The following SDK1 variants were observed in gnomAD, a reference collection of about 807,000 sequenced individuals.
The protein encoded by SDK1 is sidekick cell adhesion molecule 1, also known as protein sidekick-1.
A neutral mutation model predicts 245.5 loss-of-function variants in SDK1; 157 were observed. The ratio of observed to expected loss-of-function variants is 0.64; its 90% CI spans 0.56 to 0.73. SDK1 has a LOEUF of 0.73. Ranked by LOEUF, SDK1 falls within the 30% of genes least tolerant of loss-of-function variation. SDK1 has a pLI of 0.00. For synonymous variants in SDK1, 1,647 were observed against 1,278.5 expected, an observed-to-expected ratio of 1.29 and a Z score of -6.15; for missense variants, 3,583 against 3,002.3, an observed-to-expected ratio of 1.19 and a Z score of -4.52.
At chr7:3,664,654 C>T (rs573075581) in intron 4 of SDK1, among the ~76,000 whole-genome samples, 5 of 151,472 alleles carry the variant, frequency 3.3e-5, no homozygotes, top group South Asian at 4.2e-4. Context: ...GCACAAGAAT[C>T]GCTTGAACCC....
At chr7:3,899,497 T>C (rs556816910) in intron 5 of SDK1, among the ~76,000 whole-genome samples, 1 of 152,344 alleles carries the variant, frequency 6.6e-6, no homozygotes, top group South Asian at 2.1e-4. Flanking sequence ...GTGGCTGCCC[T>C]ACAGCATTGG....
chr7:3,384,415 G>C (rs1781560369), intron 1 of SDK1, among the ~76,000 whole-genome samples: 1 of 152,142 alleles, frequency 6.6e-6, no homozygotes, highest in Admixed American at 6.5e-5. Flanking sequence ...GGATTCTGTG[G>C]TTCAATAAAC....
intron 4 of SDK1, among the ~76,000 whole-genome samples, chr7:3,651,268 T>G (rs1202907392): frequency 1.3e-5 from 2 of 152,170 alleles, no homozygotes; most frequent in Non-Finnish European, 1.5e-5. Flanking sequence ...TTTATTTTAG[T>G]CATTCTCATA....
chr7:4,119,497 G>A (rs74521160), intron 25 of SDK1, among the ~76,000 whole-genome samples: 5,982 of 148,226 alleles, frequency 0.04, 603 homozygotes, highest in African/African-American at 0.11. Context: ...TACACTTTGC[G>A]TATGGTTGGA....
chr7:4,106,949 G>T (rs1692341631), intron 22 of SDK1, among the ~76,000 whole-genome samples: 2 of 151,950 alleles, frequency 1.3e-5, no homozygotes, highest in Admixed American at 6.6e-5. Flanking sequence ...GGCCTCAGGT[G>T]AATGCTTCTG....
At chr7:3,834,375 A>G (rs186220044) in intron 5 of SDK1, among the ~76,000 whole-genome samples, 1 of 152,364 alleles carries the variant, frequency 6.6e-6, no homozygotes, top group Admixed American at 6.5e-5. Context: ...AGGAAATGAC[A>G]GGAACACAGT....
intron 1 of SDK1, among the ~76,000 whole-genome samples, chr7:3,328,839 G>A (rs1239797180): frequency 6.6e-6 from 1 of 151,926 alleles, no homozygotes; most frequent in Non-Finnish European, 1.5e-5. Flanking sequence ...TAGGTTGTTT[G>A]GTTGTCTTTT....
At chr7:4,007,421 A>G (rs946189008) in intron 14 of SDK1, among the ~76,000 whole-genome samples, 2 of 152,084 alleles carry the variant, frequency 1.3e-5, no homozygotes, top group Admixed American at 6.5e-5. Flanking sequence ...CCCCTCATCT[A>G]CAGGAAGCCT....
chr7:4,232,407 C>CTTTTTTTTTT lies in SDK1; in HGVS notation c.5828-845_5828-844insTTTTTTTTTT, dbSNP rs201396862. On this transcript the variant is annotated intron_variant, in intron 40 of 44. Coordinates refer to ENST00000404826, the MANE Select transcript of SDK1 (RefSeq NM_152744.4). ...TTCTTTTTTTCTTTTCTTTTCTTTT[C>CTTTTTTTTTT]TTTCTTTTTTTTTTTTTTTTGTTAT... 5.7e-3 allele frequency among the ~76,000 whole-genome samples: 418 copies of CTTTTTTTTTT among 72,942 alleles called. 1 individual carries two copies. Among genetic ancestry groups the CTTTTTTTTTT allele is most frequent in the Non-Finnish European group, 6.7e-3 (258 of 38,504 alleles). The allele number at this position is 72,942 out of a possible 152,430, so 47.9% of individuals were successfully genotyped here.
At chr7:3,806,421 C>T (rs549903401) in intron 4 of SDK1, among the ~76,000 whole-genome samples, 7 of 152,286 alleles carry the variant, frequency 4.6e-5, no homozygotes, top group South Asian at 2.1e-4. Context: ...CGGCCCACCA[C>T]GAGAAGGCTC....
At chr7:3,645,239 A>G (rs1281670013) in intron 4 of SDK1, among the ~76,000 whole-genome samples, 1 of 152,230 alleles carries the variant, frequency 6.6e-6, no homozygotes, top group African/African-American at 2.4e-5. Context: ...AACTTGGTGT[A>G]ATATCAAACA....
At chr7:3,508,561 C>T (rs1035307250) in intron 1 of SDK1, among the ~76,000 whole-genome samples, 1 of 152,086 alleles carries the variant, frequency 6.6e-6, no homozygotes, top group Non-Finnish European at 1.5e-5. Flanking sequence ...CTCCTGACCT[C>T]AAATGATATA....
In SDK1 at chr7:3,390,622, G is replaced by C. The variant is rs377457053; in HGVS notation, c.298+88738G>C. On this transcript the variant is annotated intron_variant, in intron 1 of 44. Transcript: ENST00000404826. ...ACTAGTATCCTTATATGATGAGGGG[G>C]CTTTGGACATAGGGACACATAGGGA... is the stretch of plus-strand genomic sequence containing the variant. Among the ~76,000 whole-genome samples the C allele has an allele frequency of 1.4e-4, 21 of 152,304 alleles. No homozygotes were observed. The East Asian group carries it at 3.1e-3, about 22-fold the overall frequency.
intron 32 of SDK1, among the ~76,000 whole-genome samples, chr7:4,168,966 G>C (rs1225135826): frequency 6.6e-6 from 1 of 152,204 alleles, no homozygotes; most frequent in African/African-American, 2.4e-5. Flanking sequence ...GACCGCCTGG[G>C]ACCATCTGGG....
intron 26 of SDK1, chr7:4,129,702 C>T: frequency 7.1e-7 from 1 of 1,414,082 alleles, no homozygotes; most frequent in East Asian, 2.6e-5. Context: ...AACTCAAGCT[C>T]CCCTGGAGCG....
chr7:3,558,316 C>G (rs1779651035), intron 1 of SDK1, among the ~76,000 whole-genome samples: 1 of 152,234 alleles, frequency 6.6e-6, no homozygotes, highest in African/African-American at 2.4e-5. Context: ...AGGACACATT[C>G]TTTTTATTTC....
rs549225299 is a variant in SDK1 at position 4,147,313 on chromosome 7, G to A, written c.4423+1397G>A. Among the ~76,000 whole-genome samples, 33 of 151,972 alleles carry A rather than the reference G, an allele frequency of 2.2e-4. No homozygotes were observed. The South Asian group carries it at 5.6e-3, about 26-fold the overall frequency. On this transcript the variant is annotated intron_variant, in intron 29 of 44. Coordinates refer to ENST00000404826, the MANE Select transcript of SDK1 (RefSeq NM_152744.4). ...CTCCCACCTCAGCCTCCCCAGTAGCGGGGACTACAGGCACACACCACCCAG... is the reference window on the plus strand; with the variant it reads ...CTCCCACCTCAGCCTCCCCAGTAGCAGGGACTACAGGCACACACCACCCAG...
At chr7:3,585,283 G>C (rs1004259213) in intron 1 of SDK1, among the ~76,000 whole-genome samples, 6 of 152,152 alleles carry the variant, frequency 3.9e-5, no homozygotes, top group Non-Finnish European at 7.3e-5. Flanking sequence ...GGCTGGTTTT[G>C]TAATAGACCA....
At chr7:3,777,639 C>T (rs1355003363) in intron 4 of SDK1, among the ~76,000 whole-genome samples, 1 of 152,160 alleles carries the variant, frequency 6.6e-6, no homozygotes, top group African/African-American at 2.4e-5. Flanking sequence ...TGATATGTAG[C>T]TGTGAGTCCA....
Sources: gnomAD v4.1 joint callset for allele counts (sites outside exome capture counted in the v4.1 genomes callset) on GRCh38, gnomAD v4.1.1 for gene constraint, MANE v1.5 for transcripts, NCBI Gene and HGNC (gene_info 2026-07-23, HGNC 2026-07-21) for gene names.